UFSP2: variants seen among roughly 807,000 people sequenced by gnomAD.
The protein encoded by UFSP2 is ufm1-specific protease 2.
A neutral mutation model predicts 60.2 loss-of-function variants in UFSP2; 43 were observed. That is an observed-to-expected ratio of 0.71 (90% confidence interval 0.56 to 0.92). The LOEUF (loss-of-function observed/expected upper bound fraction) is 0.92. Ranked by LOEUF, UFSP2 falls within the 40% of genes least tolerant of loss-of-function variation. UFSP2 has a pLI of 0.00. For missense variants in UFSP2, 520 were observed against 575.0 expected, an observed-to-expected ratio of 0.90 and a Z score of 0.98; for synonymous variants, 183 against 195.1, an observed-to-expected ratio of 0.94 and a Z score of 0.52.
At position 185,415,198 on chromosome 4, in the gene UFSP2, T is replaced by C. The variant is rs1387691196; in HGVS notation, c.641A>G (p.Tyr214Cys). The C allele has an allele frequency of 8.7e-6, 14 of 1,607,324 alleles. No individual in the cohort carries two copies. The highest frequency in any genetic ancestry group is 2.3e-5 in the East Asian group (1 of 44,406). ...CTGGCCATCTGGTATTCCTGAAGGA[T>C]ATGAAATTGTTACAAGATTTTTTTT... is the stretch of plus-strand genomic sequence containing the variant. ...PGKKNLVTIS[Y>C]PSGIPDGQLQ... The change falls in exon 6 of 12, where the codon TAT becomes TGT. Residue 214 changes from tyrosine to cysteine, a missense_variant. By Grantham distance (194) the Tyr-to-Cys change is radical. Coordinates refer to ENST00000264689, the MANE Select transcript of UFSP2 (RefSeq NM_018359.5).
intron 7 of UFSP2, among the ~76,000 whole-genome samples, chr4:185,409,391 T>C (rs780304773): frequency 2.0e-5 from 3 of 152,322 alleles, no homozygotes; most frequent in South Asian, 2.1e-4. Flanking sequence ...GGTCACACTA[T>C]GTTGCTCAGG....
At chr4:185,412,762 G>A (rs903818540) in intron 7 of UFSP2, among the ~76,000 whole-genome samples, 14 of 152,090 alleles carry the variant, frequency 9.2e-5, no homozygotes, top group African/African-American at 3.1e-4. Context: ...AGGTATCCAC[G>A]GAGTCCTTGA....
chr4:185,401,447 C>T (rs187017202), intron 11 of UFSP2, among the ~76,000 whole-genome samples: 1 of 152,284 alleles, frequency 6.6e-6, no homozygotes, highest in African/African-American at 2.4e-5. Context: ...AAGGCCTTGT[C>T]CAGGTAACCA....
chr4:185,403,366 C>T (rs2095515591), intron 11 of UFSP2, 128 bp downstream of exon 11: 1 of 1,220,704 alleles, frequency 8.2e-7, no homozygotes, highest in South Asian at 1.6e-5. Flanking sequence ...TTACAACAGC[C>T]TCAGAAGGCC....
chr4:185,423,052 T>G (rs1054187293), intron 1 of UFSP2, among the ~76,000 whole-genome samples: 2 of 152,200 alleles, frequency 1.3e-5, no homozygotes, highest in Admixed American at 1.3e-4. Context: ...AAGGACGGGA[T>G]CTCAGAATAT....
intron 1 of UFSP2, among the ~76,000 whole-genome samples, chr4:185,424,811 T>G (rs554265595): frequency 6.6e-6 from 1 of 152,378 alleles, no homozygotes; most frequent in East Asian, 1.9e-4. Context: ...TTAAGTCTGT[T>G]TCTCTTCTGT....
In UFSP2 at chr4:185,418,609, T is replaced by C. The variant is rs773780714; in HGVS notation, c.244A>G (p.Lys82Glu). The change falls in exon 3 of 12, where the codon AAG (lysine) becomes GAG (glutamate). Residue 82 changes from lysine (K) to glutamate (E), a missense_variant. Physicochemically the swap from Lys to Glu is moderately conservative, Grantham distance 56. Coordinates refer to ENST00000264689, the MANE Select transcript of UFSP2 (RefSeq NM_018359.5). ...CACTGAATAAAGCGCAGTATGTTCT[T>C]ACAAGCAGAAGCATCAGTCAGTTCT... Reference protein sequence around the residue: ...PGELTDASACKNILRFIQFEP... With the variant: ...PGELTDASACENILRFIQFEP... The C allele has an allele frequency of 6.2e-7, 1 of 1,613,496 alleles. No homozygotes were observed. Among genetic ancestry groups the C allele is most frequent in the South Asian group, 1.1e-5 (1 of 90,842 alleles).
intron 9 of UFSP2, chr4:185,406,157 C>G (rs72712020): frequency 0.021 from 8,102 of 379,910 alleles, 125 homozygotes; most frequent in Non-Finnish European, 0.03. Flanking sequence ...AAAACATCAC[C>G]TTGGTGCTCA....
intron 2 of UFSP2, among the ~76,000 whole-genome samples, chr4:185,419,898 G>A (rs1033449104): frequency 1.3e-5 from 2 of 152,172 alleles, no homozygotes; most frequent in Non-Finnish European, 2.9e-5. Flanking sequence ...GTTTCTGTGT[G>A]GATGTGTTTT....
intron 6 of UFSP2, 94 bp from the exon 7 acceptor site, chr4:185,413,966 T>C: frequency 8.6e-7 from 1 of 1,158,458 alleles, no homozygotes; most frequent in Non-Finnish European, 1.2e-6. Flanking sequence ...TGGAAAATTA[T>C]ATATAGGTTA....
chr4:185,410,775 T>C (rs2095527821), intron 7 of UFSP2, among the ~76,000 whole-genome samples: 1 of 151,566 alleles, frequency 6.6e-6, no homozygotes, highest in African/African-American at 2.4e-5. Context: ...TGAAACCCCA[T>C]CTCTACTAAA....
chr4:185,406,194 G>A (rs2095520177), intron 9 of UFSP2: 2 of 326,128 alleles, frequency 6.1e-6, no homozygotes, highest in Non-Finnish European at 1.2e-5. Context: ...GGATTAATCA[G>A]AAGAATGAGT....
chr4:185,400,142 C>T lies in UFSP2; in HGVS notation c.*250G>A, dbSNP rs878875795. On this transcript the variant is annotated 3_prime_UTR_variant, in exon 12 of 12. Transcript: ENST00000264689. ...TCTGAGAAGGACGAAAAACTTTCTT[C>T]CAAGTGAAGATCCATTTAAGAACAC... 1 of 915,716 alleles carries T rather than the reference C, an allele frequency of 1.1e-6. No homozygotes were observed. Among genetic ancestry groups the T allele is most frequent in the Non-Finnish European group, 1.7e-6 (1 of 601,186 alleles). 56.7% of individuals were successfully genotyped at this position (915,716 alleles called of 1,614,324 possible).
intron 10 of UFSP2, among the ~76,000 whole-genome samples, chr4:185,404,126 CACAT>C (rs2095517037): frequency 6.6e-6 from 1 of 151,836 alleles, no homozygotes; most frequent in Non-Finnish European, 1.5e-5. Flanking sequence ...TATCTATAAT[CACAT>C]ACAATTTATA....
rs2095514725 is a variant in UFSP2 at position 185,402,634 on chromosome 4, C to T, written c.1323+860G>A. ...AAGATTATAGGCGCCCACCACCACA[C>T]CTGGCTTATTTTTGCATTTTTAGTA... On this transcript the variant is annotated intron_variant, in intron 11 of 11. Coordinates refer to ENST00000264689, the MANE Select transcript of UFSP2 (RefSeq NM_018359.5). Among the ~76,000 whole-genome samples the T allele has an allele frequency of 1.3e-5, 2 of 152,130 alleles. 1 individual carries two copies. The highest frequency in any genetic ancestry group is 4.1e-4 in the South Asian group (2 of 4,832).
Position 185,400,075 on chromosome 4 carries a change from G to T in UFSP2, c.*317C>A. ...GCCTTCATTTCATGCAAATCTATAAGCTCCTGCTTTTGGCTTTACCATATG... is the reference window on the plus strand; with the variant it reads ...GCCTTCATTTCATGCAAATCTATAATCTCCTGCTTTTGGCTTTACCATATG... On this transcript the variant is annotated 3_prime_UTR_variant, in exon 12 of 12. Coordinates refer to ENST00000264689, the MANE Select transcript of UFSP2 (RefSeq NM_018359.5). 1 of 1,473,654 alleles carries T rather than the reference G, an allele frequency of 6.8e-7. No homozygotes were observed. 91.3% of individuals were successfully genotyped at this position (1,473,654 alleles called of 1,614,324 possible).
At chr4:185,422,285 T>C (rs2095550823) in intron 2 of UFSP2, among the ~76,000 whole-genome samples, 200 bp downstream of exon 2, 1 of 152,262 alleles carries the variant, frequency 6.6e-6, no homozygotes, top group South Asian at 2.1e-4. Flanking sequence ...CATCTTTTTC[T>C]AATTTGCACA....
At chr4:185,416,245 G>A (rs574218470) in intron 4 of UFSP2, among the ~76,000 whole-genome samples, 6 of 152,276 alleles carry the variant, frequency 3.9e-5, no homozygotes, top group African/African-American at 1.4e-4. Flanking sequence ...ATGAATAAAC[G>A]TTAAAGCCAC....
intron 11 of UFSP2, 125 bp downstream of exon 11, chr4:185,403,368 CA>C: frequency 8.1e-7 from 1 of 1,240,776 alleles, no homozygotes; most frequent in East Asian, 2.5e-5. Flanking sequence ...ACAACAGCCT[CA>C]GAAGGCCTCC....
Sources: allele counts gnomAD v4.1 joint callset (sites outside exome capture counted in the v4.1 genomes callset), GRCh38; gene constraint gnomAD v4.1.1; transcripts MANE v1.5; gene names NCBI Gene and HGNC (gene_info 2026-07-23, HGNC 2026-07-21).